The following ATXN1 variants were observed in gnomAD, a reference collection of about 807,000 sequenced individuals.
ATXN1 encodes the protein ataxin 1.
In ATXN1, 8 loss-of-function variants were observed where a neutral mutation model predicts 56.4. The observed-to-expected ratio is 0.14, with a 90% CI of 0.08 to 0.26. ATXN1 has a LOEUF of 0.26. ATXN1 is among the 10% of genes least tolerant of loss of function. The pLI is 1.00. For missense variants in ATXN1, 987 were observed against 1,106.5 expected (o/e 0.89, Z 1.53); for synonymous variants, 514 against 494.6 (o/e 1.04, Z -0.52).
In ATXN1 at chr6:16,326,848, T is replaced by C. The variant is rs1760819424; in HGVS notation, c.1463A>G (p.Gln488Arg). 6.2e-7 allele frequency: 1 copy of C among 1,609,060 alleles called. No individual in the cohort carries two copies. Among genetic ancestry groups the C allele is most frequent in the Non-Finnish European group, 8.5e-7 (1 of 1,176,378 alleles). The change falls in exon 7 of 8, where the codon CAG becomes CGG. Residue 488 changes from glutamine to arginine, a missense_variant. Physicochemically the swap from Gln to Arg is conservative, Grantham distance 43 (BLOSUM62 1). Transcript: ENST00000436367. This position sits in a 1 kb window ranked among gnomAD's most constrained non-coding sequence, Gnocchi z 6.6. ...GCTGCCGACCGGGATGAGCAGGGGCTGTGTGCCGGGGATCACCAGGTGCTG... is the reference window on the plus strand; with the variant it reads ...GCTGCCGACCGGGATGAGCAGGGGCCGTGTGCCGGGGATCACCAGGTGCTG... ...LPQHLVIPGT[Q>R]PLLIPVGSTD...
chr6:16,471,863 C>T (rs542228814), intron 6 of ATXN1, among the ~76,000 whole-genome samples: 7 of 152,274 alleles, frequency 4.6e-5, no homozygotes, highest in East Asian at 1.9e-4. Context: ...TCAATCTCCG[C>T]ACCATCTGTC....
intron 4 of ATXN1, among the ~76,000 whole-genome samples, chr6:16,562,453 A>AAGGAAAGGAGAGGAGAGGAAAGGAG: frequency 8.7e-6 from 1 of 114,698 alleles, no homozygotes; most frequent in Middle Eastern, 3.9e-3. Context: ...AAAGAAAGAA[A>AAGGAAAGGAGAGGAGAGGAAAGGAG]AGGAGAGGAG....
chr6:16,558,841 A>G (rs1762063266), intron 4 of ATXN1, among the ~76,000 whole-genome samples: 1 of 152,190 alleles, frequency 6.6e-6, no homozygotes, highest in South Asian at 2.1e-4. Context: ...ACATAAAGTC[A>G]AAAGACAAAC....
At chr6:16,345,813 G>A (rs1761370844) in intron 6 of ATXN1, among the ~76,000 whole-genome samples, 1 of 152,226 alleles carries the variant, frequency 6.6e-6, no homozygotes, top group Non-Finnish European at 1.5e-5. Flanking sequence ...CCTCTCCTGG[G>A]GCTCACATGC....
chr6:16,616,915 C>A (rs1225190141), intron 3 of ATXN1, among the ~76,000 whole-genome samples: 2 of 151,480 alleles, frequency 1.3e-5, no homozygotes, highest in East Asian at 3.9e-4. Context: ...TGAGAGAGAT[C>A]ACATCCACAT....
intron 6 of ATXN1, among the ~76,000 whole-genome samples, chr6:16,431,310 G>C (rs1240146338): frequency 6.6e-6 from 1 of 152,140 alleles, no homozygotes; most frequent in Admixed American, 6.5e-5. Context: ...ATTCTGCTGG[G>C]GGGGATGTCT....
intron 6 of ATXN1, among the ~76,000 whole-genome samples, chr6:16,348,419 G>C (rs72840246): frequency 0.035 from 5,382 of 152,118 alleles, 219 homozygotes; most frequent in African/African-American, 0.1. Context: ...ATAGTATGGC[G>C]AGGCACGGTG....
At chr6:16,662,714 C>T (rs1007536977) in intron 2 of ATXN1, among the ~76,000 whole-genome samples, 1 of 152,194 alleles carries the variant, frequency 6.6e-6, no homozygotes, top group African/African-American at 2.4e-5. Flanking sequence ...AAGCTATATT[C>T]AGTTGTCAAA....
At chr6:16,583,127 C>T (rs565930847) in intron 4 of ATXN1, among the ~76,000 whole-genome samples, 1 of 152,190 alleles carries the variant, frequency 6.6e-6, no homozygotes, top group South Asian at 2.1e-4. Flanking sequence ...ATTTATGACA[C>T]ATTAAGGAGG....
At chr6:16,488,626 G>T (rs564777085) in intron 5 of ATXN1, among the ~76,000 whole-genome samples, 109 of 152,302 alleles carry the variant, frequency 7.2e-4, no homozygotes, top group African/African-American at 2.5e-3. Context: ...TCAGTAGTTT[G>T]CTTTCTTCAT....
intron 6 of ATXN1, among the ~76,000 whole-genome samples, chr6:16,365,055 C>CAA (rs1761890019): frequency 6.7e-6 from 1 of 150,144 alleles, no homozygotes; most frequent in Admixed American, 6.6e-5. Context: ...TTTCTTTTTT[C>CAA]ATATATATAT....
At chr6:16,442,680 G>A (rs1759542423) in intron 6 of ATXN1, among the ~76,000 whole-genome samples, 1 of 152,162 alleles carries the variant, frequency 6.6e-6, no homozygotes, top group African/African-American at 2.4e-5. Flanking sequence ...AAGTTTGGGG[G>A]ATAAGAAGGG....
intron 3 of ATXN1, among the ~76,000 whole-genome samples, chr6:16,605,040 AAAC>A (rs1386575088): frequency 6.6e-6 from 1 of 152,216 alleles, no homozygotes; most frequent in East Asian, 1.9e-4. Context: ...AGACATTAGA[AAAC>A]AAATCAAGGA....
intron 5 of ATXN1, among the ~76,000 whole-genome samples, chr6:16,496,558 T>C (rs1760784807): frequency 6.6e-6 from 1 of 152,130 alleles, no homozygotes; most frequent in Admixed American, 6.6e-5. Flanking sequence ...CACTGCATCA[T>C]GAAGGACCCT....
Position 16,402,851 on chromosome 6 carries a change from T to C in ATXN1, c.-160-74381A>G, listed in dbSNP as rs368432650. Among the ~76,000 whole-genome samples the C allele has an allele frequency of 1.2e-4, 18 of 152,350 alleles. No homozygotes were observed. In the East Asian group the frequency reaches 2.5e-3, roughly 21 times the overall value. On this transcript the variant is annotated intron_variant, in intron 6 of 7. Coordinates refer to ENST00000436367, the MANE Select transcript of ATXN1 (RefSeq NM_001128164.2). ...GGCCTCAGAGGTTCTGGGCTTTTTA[T>C]GGAATTAGGCATGGGAAGCAGCTTT...
At chr6:16,538,797 C>T (rs1313567159) in intron 4 of ATXN1, among the ~76,000 whole-genome samples, 19 of 152,220 alleles carry the variant, frequency 1.2e-4, no homozygotes, top group Non-Finnish European at 1.8e-4. Flanking sequence ...GCAATCCTCT[C>T]GCCTCAGCCT....
intron 6 of ATXN1, among the ~76,000 whole-genome samples, chr6:16,330,903 T>C (rs1296487061): frequency 6.6e-6 from 1 of 152,138 alleles, no homozygotes; most frequent in Non-Finnish European, 1.5e-5. Context: ...GCTTAAAGAC[T>C]GGGACGGAAA....
At chr6:16,335,713 G>A (rs1761108957) in intron 6 of ATXN1, among the ~76,000 whole-genome samples, 2 of 152,206 alleles carry the variant, frequency 1.3e-5, no homozygotes, top group South Asian at 2.1e-4. Flanking sequence ...AGATCATGCT[G>A]GATGATCCAG....
At chr6:16,755,864 A>G (rs749158704) in intron 1 of ATXN1, among the ~76,000 whole-genome samples, 7 of 152,268 alleles carry the variant, frequency 4.6e-5, no homozygotes, top group Non-Finnish European at 7.4e-5. Context: ...TTTTGCTTAC[A>G]TTGTGGCAAT....
Sources: gnomAD v4.1 joint callset for allele counts (sites outside exome capture counted in the v4.1 genomes callset) on GRCh38, gnomAD v4.1.1 for gene constraint, Gnocchi (gnomAD v3.1) non-coding constraint, MANE v1.5 for transcripts, NCBI Gene and HGNC (gene_info 2026-07-23, HGNC 2026-07-21) for gene names.